Variants in PGM5 observed in about 807,000 individuals in gnomAD.
PGM5 encodes the protein phosphoglucomutase 5, also known as phosphoglucomutase-like protein 5.
In PGM5, 23 loss-of-function variants were observed where a neutral mutation model predicts 59.2. That is an observed-to-expected ratio of 0.39 (90% CI 0.28 to 0.55). PGM5 has a LOEUF of 0.55. Ranked by LOEUF, PGM5 falls within the 20% of genes least tolerant of loss-of-function variation. PGM5 has a pLI of 0.66. For missense variants in PGM5, 574 were observed against 748.3 expected (o/e 0.77, Z 2.72); for synonymous variants, 214 against 286.0 (o/e 0.75, Z 2.54).
intron 6 of PGM5, among the ~76,000 whole-genome samples, chr9:68,444,476 G>C (rs1310527258): frequency 1.3e-5 from 2 of 152,134 alleles, no homozygotes; most frequent in African/African-American, 4.8e-5. Flanking sequence ...GAAAAAGCTG[G>C]TCTCAAAAAT....
intron 10 of PGM5, among the ~76,000 whole-genome samples, chr9:68,528,001 T>A (rs1292165266): frequency 1.3e-5 from 2 of 152,224 alleles, no homozygotes; most frequent in African/African-American, 4.8e-5. Flanking sequence ...TTGCTTGTGA[T>A]GTCTTGTACC....
At chr9:68,496,422 T>C (rs1554688159) in intron 9 of PGM5, among the ~76,000 whole-genome samples, 2 of 152,182 alleles carry the variant, frequency 1.3e-5, no homozygotes, top group African/African-American at 4.8e-5. Flanking sequence ...ACATTCCATG[T>C]GGAGAAGGAG....
intron 2 of PGM5, among the ~76,000 whole-genome samples, chr9:68,381,426 T>C (rs559446467): frequency 4.6e-5 from 7 of 151,976 alleles, no homozygotes; most frequent in Admixed American, 2.0e-4. Context: ...TCATAATCAA[T>C]TGGGGACAAC....
At chr9:68,502,320 G>T (rs1312654592) in intron 10 of PGM5, among the ~76,000 whole-genome samples, 3 of 152,188 alleles carry the variant, frequency 2.0e-5, no homozygotes, top group Admixed American at 6.5e-5. Flanking sequence ...TTGGAAAAAG[G>T]AATGAGCCAA....
intron 7 of PGM5, among the ~76,000 whole-genome samples, chr9:68,473,646 G>T (rs1318998727): frequency 6.6e-6 from 1 of 152,182 alleles, no homozygotes; most frequent in Non-Finnish European, 1.5e-5. Flanking sequence ...CCTTGTGATT[G>T]TGCTTCAAAA....
At chr9:68,455,054 G>A (rs1196801005) in intron 6 of PGM5, among the ~76,000 whole-genome samples, 2 of 152,236 alleles carry the variant, frequency 1.3e-5, no homozygotes, top group Admixed American at 6.5e-5. Context: ...CAGGGTGGCT[G>A]CCTGTGCATC....
chr9:68,490,176 C>T (rs1824366915), intron 9 of PGM5, among the ~76,000 whole-genome samples: 1 of 152,126 alleles, frequency 6.6e-6, no homozygotes, highest in Admixed American at 6.5e-5. Context: ...TGCAACAAAC[C>T]CCTGGTCAGC....
intron 6 of PGM5, among the ~76,000 whole-genome samples, chr9:68,432,881 A>C (rs548580733): frequency 6.6e-6 from 1 of 152,338 alleles, no homozygotes; most frequent in South Asian, 2.1e-4. Context: ...TGCTGGGATT[A>C]AAGGCACGAG....
Position 68,483,097 on chromosome 9 carries a change from T to C in PGM5, c.1296-768T>C, listed in dbSNP as rs75270092. On this transcript the variant is annotated intron_variant, in intron 8 of 10. Coordinates refer to ENST00000396396, the MANE Select transcript of PGM5 (RefSeq NM_021965.4). The stretch of plus-strand genomic sequence containing the variant: ...TTCTCTCTTTCCTTCCTTCCTTTCC[T>C]TTCTCCCATTTTTCATTCCATTCTA... 1.2e-4 allele frequency among the ~76,000 whole-genome samples: 19 copies of C among 152,332 alleles called. No homozygotes were observed. The East Asian group carries it at 3.5e-3, about 28-fold the overall frequency.
At chr9:68,367,176 C>G (rs1214934526) in intron 1 of PGM5, among the ~76,000 whole-genome samples, 4 of 151,614 alleles carry the variant, frequency 2.6e-5, no homozygotes, top group African/African-American at 4.9e-5. Flanking sequence ...CATAGACTTT[C>G]ACACAACATA....
intron 6 of PGM5, among the ~76,000 whole-genome samples, chr9:68,425,917 C>G (rs1365519294): frequency 1.3e-5 from 2 of 152,036 alleles, no homozygotes; most frequent in Non-Finnish European, 2.9e-5. Context: ...CATTTCACAT[C>G]CTTTTAGTTT....
At chr9:68,466,011 T>C (rs1823928465) in intron 7 of PGM5, 1 of 522,470 alleles carries the variant, frequency 1.9e-6, no homozygotes, top group Non-Finnish European at 3.0e-6. Context: ...GCTCAGCTAT[T>C]ATTTTTTCAA....
chr9:68,443,270 G>A (rs1343225334), intron 6 of PGM5, among the ~76,000 whole-genome samples: 11 of 152,168 alleles, frequency 7.2e-5, no homozygotes, highest in Admixed American at 7.2e-4. Flanking sequence ...AACTCAAAAT[G>A]TCACATACTG....
intron 6 of PGM5, chr9:68,405,003 T>A (rs1362263159): frequency 6.6e-6 from 1 of 152,232 alleles, no homozygotes; most frequent in Non-Finnish European, 1.5e-5. Context: ...ATCACTCTTA[T>A]CCCTAGGCTC....
In PGM5 at chr9:68,492,823, C is replaced by T. The variant is rs377635140; in HGVS notation, c.1480-6404C>T. On this transcript the variant is annotated intron_variant, in intron 9 of 10. Coordinates refer to ENST00000396396, the MANE Select transcript of PGM5 (RefSeq NM_021965.4). ...TTTTTTTAGTGTGTGTGGAAAGATA[C>T]GTCTGTTCAATCCAAATCTCCTGCT... Among the ~76,000 whole-genome samples the T allele has an allele frequency of 1.3e-3, 199 of 152,200 alleles. 1 individual carries two copies. Among genetic ancestry groups the T allele is most frequent in the African/African-American group, 4.6e-3 (193 of 41,514 alleles).
Position 68,529,620 on chromosome 9 carries a change from G to C in PGM5, c.1668G>C (p.Glu556Asp). Residue 556 changes from glutamate (E) to aspartate (D), a missense_variant, in exon 11 of 11, where the codon GAG (glutamate) becomes GAC (aspartate). Glu to Asp is a conservative substitution (Grantham distance 45). Coordinates refer to ENST00000396396, the MANE Select transcript of PGM5 (RefSeq NM_021965.4). ...AIALKISQIH[E>D]RTGRRGPTVI... ...CACTGAAAATATCCCAGATTCATGA[G>C]AGAACTGGCCGGAGGGGACCCACTG... The C allele has an allele frequency of 6.2e-7, 1 of 1,601,058 alleles. No individual in the cohort carries two copies.
Position 68,483,969 on chromosome 9 carries a change from G to A in PGM5, c.1400G>A (p.Gly467Glu). 1 of 1,614,082 alleles carries A rather than the reference G, an allele frequency of 6.2e-7. No individual in the cohort carries two copies. The highest frequency in any genetic ancestry group is 8.5e-7 in the Non-Finnish European group (1 of 1,179,958). The change falls in exon 9 of 11, where the codon GGG becomes GAG. Residue 467 changes from glycine (G) to glutamate (E), a missense_variant. By Grantham distance (98) the Gly-to-Glu change is moderately conservative. Transcript: ENST00000396396. ...KSFIGQQFAV[G>E]SHVYSVAKTD... Reference sequence around the variant, plus strand: ...TTCATTGGCCAGCAGTTTGCTGTGGGGAGCCATGTCTACAGCGTGGCGAAG... The same window carrying A: ...TTCATTGGCCAGCAGTTTGCTGTGGAGAGCCATGTCTACAGCGTGGCGAAG...
intron 10 of PGM5, among the ~76,000 whole-genome samples, chr9:68,518,963 A>G (rs1329481756): frequency 6.6e-6 from 1 of 152,264 alleles, no homozygotes; most frequent in Non-Finnish European, 1.5e-5. Flanking sequence ...ATATAAAAAT[A>G]AATTCACATC....
At chr9:68,367,763 G>C (rs1834707928) in intron 1 of PGM5, among the ~76,000 whole-genome samples, 1 of 151,244 alleles carries the variant, frequency 6.6e-6, no homozygotes, top group African/African-American at 2.4e-5. Flanking sequence ...TTAGCAAATA[G>C]GCAGTTATTA....
Sources: gnomAD v4.1 joint callset for allele counts (sites outside exome capture counted in the v4.1 genomes callset) on GRCh38, gnomAD v4.1.1 for gene constraint, MANE v1.5 for transcripts, NCBI Gene and HGNC (gene_info 2026-07-23, HGNC 2026-07-21) for gene names.